The following LRRC69 variants were observed in gnomAD, a reference collection of about 807,000 sequenced individuals.
LRRC69 encodes leucine-rich repeat-containing protein 69.
LRRC69 carries 42 observed loss-of-function variants against 37.8 expected under a neutral mutation model. The observed-to-expected ratio is 1.11, with a 90% CI of 0.87 to 1.44. The LOEUF (loss-of-function observed/expected upper bound fraction) is 1.44. Ranked by LOEUF, LRRC69 falls within the 40% of genes most tolerant of loss-of-function variation. The probability of loss-of-function intolerance (pLI) is 0.00; values close to 1 mark genes in which losing one functional copy is unlikely to be tolerated. For synonymous variants in LRRC69, 141 were observed against 143.1 expected (o/e 0.99, Z 0.11); for missense variants, 357 against 401.9 (o/e 0.89, Z 0.96).
intron 5 of LRRC69, among the ~76,000 whole-genome samples, chr8:91,183,614 TA>T (rs559492690): frequency 4.4e-4 from 64 of 144,680 alleles, no homozygotes; most frequent in South Asian, 8.8e-4. Context: ...TGAATATGGG[TA>T]AAAAAAAAAA....
intron 1 of LRRC69, among the ~76,000 whole-genome samples, chr8:91,107,670 G>A (rs1185064845): frequency 6.6e-6 from 1 of 151,954 alleles, no homozygotes; most frequent in East Asian, 1.9e-4. Flanking sequence ...TGAGGGGGTA[G>A]GGGTTCTTTA....
At chr8:91,192,125 T>C (rs964438736) in intron 6 of LRRC69, among the ~76,000 whole-genome samples, 13 of 151,812 alleles carry the variant, frequency 8.6e-5, no homozygotes, top group African/African-American at 3.1e-4. Context: ...GATAGTTTAC[T>C]GAAAATGATG....
chr8:91,116,215 G>T (rs1415197285), intron 1 of LRRC69, among the ~76,000 whole-genome samples: 2 of 151,852 alleles, frequency 1.3e-5, no homozygotes, highest in African/African-American at 4.8e-5. Flanking sequence ...ATTTTCCTGG[G>T]CCTAAAAGAT....
intron 7 of LRRC69, among the ~76,000 whole-genome samples, chr8:91,208,062 G>T (rs1216057090): frequency 1.3e-5 from 2 of 152,080 alleles, no homozygotes; most frequent in African/African-American, 4.8e-5. Flanking sequence ...CTTCTCATAA[G>T]GATGTCAGTC....
At chr8:91,179,595 G>T (rs6994215) in intron 5 of LRRC69, among the ~76,000 whole-genome samples, 102,662 of 151,878 alleles carry the variant, frequency 0.68, 35,146 homozygotes, top group African/African-American at 0.74. Flanking sequence ...TTTTTTCCTA[G>T]TCTACCATTT....
chr8:91,112,247 T>C (rs1236334965), intron 1 of LRRC69, among the ~76,000 whole-genome samples: 1 of 152,012 alleles, frequency 6.6e-6, no homozygotes, highest in Non-Finnish European at 1.5e-5. Flanking sequence ...CATGTACCTG[T>C]GCTCCAGACC....
At chr8:91,201,569 T>G (rs1809711881) in intron 7 of LRRC69, among the ~76,000 whole-genome samples, 1 of 152,166 alleles carries the variant, frequency 6.6e-6, no homozygotes, top group Admixed American at 6.5e-5. Flanking sequence ...ACAAGTCTTA[T>G]GAAAACAGGA....
chr8:91,194,829 G>C (rs1171896818), intron 6 of LRRC69, among the ~76,000 whole-genome samples: 1 of 151,842 alleles, frequency 6.6e-6, no homozygotes, highest in Non-Finnish European at 1.5e-5. Flanking sequence ...AGGGTTTTTT[G>C]TGTCTGTATT....
chr8:91,143,070 C>G (rs573417971), intron 5 of LRRC69, among the ~76,000 whole-genome samples: 1 of 152,162 alleles, frequency 6.6e-6, no homozygotes, highest in South Asian at 2.1e-4. Flanking sequence ...AGCCTTACTT[C>G]TTTTTAGCCA....
intron 3 of LRRC69, chr8:91,130,619 T>C (rs748028858): frequency 1.3e-5 from 2 of 152,172 alleles, no homozygotes; most frequent in Middle Eastern, 3.4e-3. Context: ...GAATATGCCC[T>C]AAATCATTTG....
chr8:91,114,548 A>G (rs1380656525), intron 1 of LRRC69, among the ~76,000 whole-genome samples: 3 of 151,994 alleles, frequency 2.0e-5, no homozygotes, highest in Admixed American at 6.6e-5. Context: ...GTCCCATAAG[A>G]TTATACGGTA....
intron 1 of LRRC69, among the ~76,000 whole-genome samples, chr8:91,113,600 G>A (rs1334639845): frequency 6.6e-6 from 1 of 151,864 alleles, no homozygotes; most frequent in African/African-American, 2.4e-5. Flanking sequence ...ACTTGAAACT[G>A]TGAAACTACT....
At chr8:91,146,467 G>C (rs1808620097) in intron 5 of LRRC69, among the ~76,000 whole-genome samples, 1 of 151,790 alleles carries the variant, frequency 6.6e-6, no homozygotes, top group African/African-American at 2.4e-5. Context: ...ATTATAAAGA[G>C]AGTCTGATTG....
intron 5 of LRRC69, among the ~76,000 whole-genome samples, chr8:91,140,648 T>TCTTCTACC (rs1251985977): frequency 5.2e-4 from 7 of 13,526 alleles, no homozygotes; most frequent in East Asian, 1.2e-3. Context: ...GATTTTTTTT[T>TCTTCTACC]TTTTTTTTTT....
At chr8:91,116,926 A>G (rs1222357796) in intron 1 of LRRC69, among the ~76,000 whole-genome samples, 3 of 152,092 alleles carry the variant, frequency 2.0e-5, no homozygotes, top group East Asian at 3.9e-4. Context: ...TCTATAATCC[A>G]AAGGCATCAA....
intron 5 of LRRC69, among the ~76,000 whole-genome samples, chr8:91,165,435 G>T (rs1809011017): frequency 6.6e-6 from 1 of 151,732 alleles, no homozygotes; most frequent in South Asian, 2.1e-4. Flanking sequence ...GTGTCACTGT[G>T]GGGAGACCAT....
At chr8:91,123,838 T>G (rs1192234866) in intron 1 of LRRC69, among the ~76,000 whole-genome samples, 7 of 152,040 alleles carry the variant, frequency 4.6e-5, no homozygotes, top group Non-Finnish European at 7.4e-5. Context: ...GAGGAACTTT[T>G]TAACTCCCGT....
At chr8:91,161,927 A>G (rs939302878) in intron 5 of LRRC69, among the ~76,000 whole-genome samples, 6 of 151,328 alleles carry the variant, frequency 4.0e-5, no homozygotes, top group Admixed American at 2.0e-4. Flanking sequence ...TGCTTTTACT[A>G]TATTTAATAG....
intron 5 of LRRC69, among the ~76,000 whole-genome samples, chr8:91,187,679 C>A (rs1013915842): frequency 5.3e-5 from 8 of 152,202 alleles, no homozygotes; most frequent in African/African-American, 1.9e-4. Flanking sequence ...CATACTGATA[C>A]CCTGCCTCCA....
Sources: allele counts gnomAD v4.1 joint callset (sites outside exome capture counted in the v4.1 genomes callset), GRCh38; gene constraint gnomAD v4.1.1; transcripts MANE v1.5; gene names NCBI Gene and HGNC (gene_info 2026-07-23, HGNC 2026-07-21).